CUX2: variants seen among roughly 807,000 people sequenced by gnomAD.
CUX2 encodes the protein cut like homeobox 2.
Under a neutral mutation model 144.8 loss-of-function variants are expected in CUX2, and 40 were observed. That is an observed-to-expected ratio of 0.28 (90% CI 0.21 to 0.36). The LOEUF (loss-of-function observed/expected upper bound fraction) is 0.36. Ranked by LOEUF, CUX2 falls within the 10% of genes least tolerant of loss-of-function variation. The probability of loss-of-function intolerance (pLI) is 1.00; values close to 1 mark genes in which losing one functional copy is unlikely to be tolerated. For synonymous variants in CUX2, 827 were observed against 875.6 expected (o/e 0.94, Z 0.98); for missense variants, 1,615 against 1,994.0 (o/e 0.81, Z 3.62).
intron 16 of CUX2, among the ~76,000 whole-genome samples, chr12:111,314,044 C>G (rs1016846971): frequency 2.0e-5 from 3 of 152,190 alleles, no homozygotes; most frequent in African/African-American, 7.2e-5. Context: ...CCTGCCTGGT[C>G]CCCGGGAGGG....
At chr12:111,174,225 G>A (rs541743785) in intron 1 of CUX2, among the ~76,000 whole-genome samples, 2 of 152,222 alleles carry the variant, frequency 1.3e-5, no homozygotes, top group Non-Finnish European at 2.9e-5. Context: ...AGATGGCAGA[G>A]AATTGCATGG....
intron 1 of CUX2, among the ~76,000 whole-genome samples, chr12:111,164,834 T>G (rs1258577461): frequency 1.3e-5 from 2 of 152,288 alleles, no homozygotes; most frequent in African/African-American, 4.8e-5. Flanking sequence ...ACAGTAGAAC[T>G]GAATTGCTCA....
chr12:111,101,595 G>T (rs1306789542), intron 1 of CUX2, among the ~76,000 whole-genome samples: 1 of 152,168 alleles, frequency 6.6e-6, no homozygotes, highest in African/African-American at 2.4e-5. Context: ...CAGAAACCAG[G>T]TACTCTGCAG....
intron 17 of CUX2, among the ~76,000 whole-genome samples, chr12:111,321,358 A>G (rs1887519963): frequency 6.6e-6 from 1 of 151,974 alleles, no homozygotes; most frequent in African/African-American, 2.4e-5. Context: ...AGTCATGGCT[A>G]CTTAGGAGAC....
rs868502046 is a variant in CUX2, at chr12:111,034,600, G to T, written c.63+360G>T. ...AACCCCCGGCGGTCCCCCCTGAGCC[G>T]CACTTTGCGCGCCTCCCAACTTCGC... is the stretch of plus-strand genomic sequence containing the variant. On this transcript the variant is annotated intron_variant, in intron 1 of 21. Transcript: ENST00000261726. The surrounding 1 kb of genome is among the most constrained non-coding windows in gnomAD (Gnocchi z 4.2). 6.6e-6 allele frequency among the ~76,000 whole-genome samples: 1 copy of T among 151,284 alleles called. No homozygotes were observed. The highest frequency in any genetic ancestry group is 1.5e-5 in the Non-Finnish European group (1 of 67,748).
intron 4 of CUX2, among the ~76,000 whole-genome samples, chr12:111,267,198 A>G (rs1884430334): frequency 7.1e-6 from 1 of 141,628 alleles, no homozygotes; most frequent in South Asian, 2.2e-4. Flanking sequence ...ACCCTGTCAA[A>G]AAAAAAAAAA....
At chr12:111,194,746 A>G (rs1880133819) in intron 1 of CUX2, among the ~76,000 whole-genome samples, 1 of 152,246 alleles carries the variant, frequency 6.6e-6, no homozygotes, top group Admixed American at 6.5e-5. Flanking sequence ...CCCGTCACAC[A>G]GCAGGTGCTT....
chr12:111,179,588 G>A (rs768933578), intron 1 of CUX2, among the ~76,000 whole-genome samples: 3 of 147,844 alleles, frequency 2.0e-5, no homozygotes, highest in Non-Finnish European at 3.0e-5. Context: ...CTGAGCCATC[G>A]CCGTGGTTGT....
chr12:111,136,333 A>T (rs1239243021), intron 1 of CUX2, among the ~76,000 whole-genome samples: 2 of 152,022 alleles, frequency 1.3e-5, no homozygotes, highest in Admixed American at 1.3e-4. Context: ...CTATGGGAGG[A>T]TGGAGCTGCC....
At chr12:111,344,768 GC>G (rs1888722501) in intron 21 of CUX2, among the ~76,000 whole-genome samples, 1 of 152,176 alleles carries the variant, frequency 6.6e-6, no homozygotes, top group Non-Finnish European at 1.5e-5. Flanking sequence ...GGAGGCAGGG[GC>G]AAGAAAATAT....
intron 19 of CUX2, among the ~76,000 whole-genome samples, chr12:111,335,937 A>G (rs1312660257): frequency 1.3e-5 from 2 of 151,990 alleles, no homozygotes; most frequent in East Asian, 3.9e-4. Flanking sequence ...AAAAAAAGAC[A>G]AAAGTGCCCA....
chr12:111,284,080 A>G (rs1885258438), intron 4 of CUX2, among the ~76,000 whole-genome samples: 1 of 151,682 alleles, frequency 6.6e-6, no homozygotes, highest in Admixed American at 6.6e-5. Flanking sequence ...GCCTTTCCCT[A>G]CTAAATCCCT....
At chr12:111,038,989 A>C (rs973258244) in intron 1 of CUX2, among the ~76,000 whole-genome samples, 1 of 151,852 alleles carries the variant, frequency 6.6e-6, no homozygotes, top group African/African-American at 2.4e-5. Context: ...TGTTAAAAAG[A>C]GGATTCTATC....
intron 18 of CUX2, among the ~76,000 whole-genome samples, chr12:111,328,941 A>ATCTCTCCCTCTCTCTCTCTCTC (rs1887949182): frequency 1.0e-4 from 3 of 28,988 alleles, no homozygotes; most frequent in African/African-American, 8.0e-4. Flanking sequence ...TGATTCACCT[A>ATCTCTCCCTCTCTCTCTCTCTC]TCTCTCTCTC....
intron 21 of CUX2, 53 bp downstream of exon 21, chr12:111,342,106 C>G (rs1888603583): frequency 6.4e-7 from 1 of 1,555,658 alleles, no homozygotes; most frequent in African/African-American, 1.4e-5. Flanking sequence ...AGGTGGGACC[C>G]CTTCCCCATC....
intron 1 of CUX2, among the ~76,000 whole-genome samples, chr12:111,167,230 T>G (rs1436040591): frequency 1.3e-5 from 2 of 152,188 alleles, no homozygotes; most frequent in Admixed American, 1.3e-4. Flanking sequence ...CCCACAGGCC[T>G]TCTTTCCTTC....
intron 1 of CUX2, among the ~76,000 whole-genome samples, chr12:111,189,611 G>A (rs538881951): frequency 3.8e-4 from 58 of 152,294 alleles, no homozygotes; most frequent in Non-Finnish European, 6.6e-4. Flanking sequence ...GGGCATTTGG[G>A]TTGTTTCCAG....
chr12:111,053,688 C>G (rs1016953420), intron 1 of CUX2, among the ~76,000 whole-genome samples: 2 of 152,244 alleles, frequency 1.3e-5, no homozygotes, highest in African/African-American at 4.8e-5. Context: ...TCTTTTAGGT[C>G]TCACTTGGAC....
At chr12:111,078,204 G>A (rs2136039121) in intron 1 of CUX2, among the ~76,000 whole-genome samples, 1 of 152,358 alleles carries the variant, frequency 6.6e-6, no homozygotes, top group South Asian at 2.1e-4. Flanking sequence ...AGGCATCGGG[G>A]ATGAGCCGAC....
Sources: allele counts gnomAD v4.1 joint callset (sites outside exome capture counted in the v4.1 genomes callset), GRCh38; gene constraint gnomAD v4.1.1; non-coding constraint Gnocchi (gnomAD v3.1); transcripts MANE v1.5; gene names NCBI Gene and HGNC (gene_info 2026-07-23, HGNC 2026-07-21).